TRAPPC9: variants seen among roughly 807,000 people sequenced by gnomAD.
The protein encoded by TRAPPC9 is IKK2 binding protein.
Under a neutral mutation model 124.0 loss-of-function variants are expected in TRAPPC9, and 83 were observed. The observed-to-expected ratio is 0.67, with a 90% CI of 0.56 to 0.80. The LOEUF (loss-of-function observed/expected upper bound fraction) is 0.80, where lower values mean the gene tolerates loss of function less well. Among genes scored for constraint, TRAPPC9 ranks in the 30% least tolerant of loss-of-function variants. The pLI is 0.00. For missense variants in TRAPPC9, 1,302 were observed against 1,508.3 expected, an observed-to-expected ratio of 0.86 and a Z score of 2.27; for synonymous variants, 638 against 617.5, an observed-to-expected ratio of 1.03 and a Z score of -0.49.
intron 18 of TRAPPC9, among the ~76,000 whole-genome samples, chr8:139,998,688 C>T (rs1442826402): frequency 6.6e-6 from 1 of 152,142 alleles, no homozygotes; most frequent in Non-Finnish European, 1.5e-5. Flanking sequence ...CACCACTGCA[C>T]TCCAGTCTGG....
chr8:140,154,440 C>T (rs888580676), intron 17 of TRAPPC9, among the ~76,000 whole-genome samples: 5 of 152,152 alleles, frequency 3.3e-5, no homozygotes, highest in Admixed American at 2.6e-4. Context: ...CATTGTCTTG[C>T]TCCTCCTCAA....
At chr8:140,059,742 T>C (rs978826165) in intron 17 of TRAPPC9, among the ~76,000 whole-genome samples, 3 of 152,242 alleles carry the variant, frequency 2.0e-5, no homozygotes, top group Admixed American at 6.5e-5. Context: ...TTTGTTCACA[T>C]TTTTGCACAC....
chr8:140,085,487 A>G (rs772487895), intron 17 of TRAPPC9, among the ~76,000 whole-genome samples: 2 of 152,202 alleles, frequency 1.3e-5, no homozygotes, highest in Non-Finnish European at 2.9e-5. Flanking sequence ...CTGTTGTGAA[A>G]TGAGAACCAC....
chr8:140,381,978 T>C (rs947344692), intron 7 of TRAPPC9, among the ~76,000 whole-genome samples: 1 of 152,234 alleles, frequency 6.6e-6, no homozygotes, highest in Non-Finnish European at 1.5e-5. Context: ...CCACAAACAC[T>C]TGTACATTCC....
intron 17 of TRAPPC9, chr8:140,095,585 C>T (rs537100697): frequency 6.6e-6 from 1 of 152,284 alleles, no homozygotes; most frequent in East Asian, 1.9e-4. Context: ...AACCCTGCTG[C>T]CCTTTATGTG....
Position 140,296,589 on chromosome 8 carries a change from G to C in TRAPPC9, c.1768+3880C>G, listed in dbSNP as rs1466656529. On this transcript the variant is annotated intron_variant, in intron 11 of 22. Transcript: ENST00000438773. ...CCAACAATTTCTTAAGATTGAAAAG[G>C]AAAAGCAGAGAGGCAGGGCCTACAA... is the stretch of plus-strand genomic sequence containing the variant. Among the ~76,000 whole-genome samples the C allele has an allele frequency of 3.9e-5, 6 of 152,248 alleles. No homozygotes were observed. The East Asian group carries it at 9.6e-4, about 24-fold the overall frequency.
intron 15 of TRAPPC9, among the ~76,000 whole-genome samples, chr8:140,258,964 T>C (rs1268955211): frequency 6.6e-6 from 1 of 152,210 alleles, no homozygotes; most frequent in Non-Finnish European, 1.5e-5. Flanking sequence ...AGACCATTTC[T>C]GAAACACGGG....
chr8:139,909,104 G>A (rs1355656181), intron 20 of TRAPPC9, among the ~76,000 whole-genome samples: 1 of 149,874 alleles, frequency 6.7e-6, no homozygotes, highest in African/African-American at 2.5e-5. Flanking sequence ...GTAGAGCGAG[G>A]ACACTTTCGG....
At chr8:140,245,214 G>A (rs555026071) in intron 16 of TRAPPC9, among the ~76,000 whole-genome samples, 3 of 152,216 alleles carry the variant, frequency 2.0e-5, no homozygotes, top group East Asian at 1.9e-4. Context: ...TAGAAAACAC[G>A]ACACAGGTCC....
At chr8:140,000,243 A>G (rs1224838773) in intron 18 of TRAPPC9, among the ~76,000 whole-genome samples, 2 of 152,234 alleles carry the variant, frequency 1.3e-5, no homozygotes, top group East Asian at 1.9e-4. Flanking sequence ...AAGATGGATT[A>G]AAGACTTCAA....
At chr8:140,452,177 T>C (rs1428305238) in intron 1 of TRAPPC9, among the ~76,000 whole-genome samples, 2 of 149,856 alleles carry the variant, frequency 1.3e-5, no homozygotes, top group African/African-American at 2.5e-5. Context: ...TCCCAGCACT[T>C]TGGGAAGCTG....
At chr8:140,404,948 C>G (rs905043500) in intron 6 of TRAPPC9, among the ~76,000 whole-genome samples, 4 of 93,728 alleles carry the variant, frequency 4.3e-5, no homozygotes, top group East Asian at 4.4e-4. Flanking sequence ...GTGTGTGTGT[C>G]TCATAGGCAT....
intron 19 of TRAPPC9, among the ~76,000 whole-genome samples, chr8:139,917,106 A>T (rs1196534122): frequency 6.8e-6 from 1 of 146,944 alleles, no homozygotes; most frequent in Admixed American, 6.7e-5. Context: ...GGATCATTTT[A>T]TCCTTCAGCC....
chr8:139,956,999 C>G (rs943519223), intron 19 of TRAPPC9, among the ~76,000 whole-genome samples: 1 of 152,266 alleles, frequency 6.6e-6, no homozygotes, highest in African/African-American at 2.4e-5. Context: ...GGGAGGGACA[C>G]GGCTTCAAAG....
In TRAPPC9 at chr8:140,275,828, T is replaced by G. The variant is rs770676994; in HGVS notation, c.2115-7A>C. On this transcript the variant is annotated splice_polypyrimidine_tract_variant and splice_region_variant and intron_variant, in intron 14 of 22. Transcript: ENST00000438773. ...TTGCAATGAATGTGCAGATCTAAAATAAGAAGAAGAAATTTAAAGAAGAAA... is the reference window on the plus strand; with the variant it reads ...TTGCAATGAATGTGCAGATCTAAAAGAAGAAGAAGAAATTTAAAGAAGAAA... 11 of 1,608,206 alleles carry G rather than the reference T, an allele frequency of 6.8e-6. No homozygotes were observed. The South Asian group carries it at 8.8e-5, about 13-fold the overall frequency.
chr8:139,824,031 T>A (rs898593451), intron 21 of TRAPPC9, among the ~76,000 whole-genome samples: 5 of 152,170 alleles, frequency 3.3e-5, no homozygotes, highest in Non-Finnish European at 7.3e-5. Flanking sequence ...AGGCAGCAGT[T>A]TACATGGGGC....
At chr8:140,273,496 T>C (rs2065021992) in intron 15 of TRAPPC9, among the ~76,000 whole-genome samples, 1 of 152,192 alleles carries the variant, frequency 6.6e-6, no homozygotes, top group Non-Finnish European at 1.5e-5. Flanking sequence ...TTATTGAAAA[T>C]GCAGGTGAGG....
At chr8:140,277,390 G>A (rs952352876) in intron 14 of TRAPPC9, among the ~76,000 whole-genome samples, 5 of 152,198 alleles carry the variant, frequency 3.3e-5, no homozygotes, top group East Asian at 1.9e-4. Context: ...AATTGGACTC[G>A]TGTCCTTACC....
chr8:140,315,428 A>G (rs1207636165), intron 9 of TRAPPC9, among the ~76,000 whole-genome samples: 7 of 152,058 alleles, frequency 4.6e-5, no homozygotes, highest in African/African-American at 1.4e-4. Flanking sequence ...GGTTATAAAG[A>G]TTATAAAAAG....
Sources: allele counts gnomAD v4.1 joint callset (sites outside exome capture counted in the v4.1 genomes callset), GRCh38; gene constraint gnomAD v4.1.1; transcripts MANE v1.5; gene names NCBI Gene and HGNC (gene_info 2026-07-23, HGNC 2026-07-21).